SCHIP1: variants seen among roughly 807,000 people sequenced by gnomAD.
SCHIP1 encodes the protein schwannomin interacting protein 1, also known as schwannomin-interacting protein 1.
Under a neutral mutation model 29.7 loss-of-function variants are expected in SCHIP1, and 8 were observed. The ratio of observed to expected loss-of-function variants is 0.27; its 90% CI spans 0.16 to 0.49. The LOEUF (loss-of-function observed/expected upper bound fraction) is 0.49. Ranked by LOEUF, SCHIP1 falls within the 20% of genes least tolerant of loss-of-function variation. The pLI is 0.99. For missense variants in SCHIP1, 193 were observed against 294.6 expected (o/e 0.66, Z 2.52); for synonymous variants, 76 against 94.9 (o/e 0.80, Z 1.16).
chr3:159,777,865 T>TAA, the SCHIP1 span, among the ~76,000 whole-genome samples: 2 of 152,256 alleles, frequency 1.3e-5, no homozygotes, highest in Non-Finnish European at 2.9e-5. Flanking sequence ...GTTGAAAATA[T>TAA]AAAGGTTGGG....
At chr3:159,718,990 A>G in the SCHIP1 span, among the ~76,000 whole-genome samples, 3 of 152,188 alleles carry the variant, frequency 2.0e-5, no homozygotes, top group Non-Finnish European at 4.4e-5. Flanking sequence ...CTATACTACA[A>G]GCCTACAGTA....
chr3:159,723,427 A>T, the SCHIP1 span, among the ~76,000 whole-genome samples: 1 of 152,198 alleles, frequency 6.6e-6, no homozygotes, highest in Non-Finnish European at 1.5e-5. Context: ...TCACAAGTCT[A>T]GTCCCATGTT....
At chr3:159,483,597 A>G in the SCHIP1 span, among the ~76,000 whole-genome samples, 5 of 152,198 alleles carry the variant, frequency 3.3e-5, no homozygotes, top group Non-Finnish European at 5.9e-5. Flanking sequence ...CAGAAAGATT[A>G]TAAAATATAA....
At chr3:159,777,354 A>G in the SCHIP1 span, among the ~76,000 whole-genome samples, 1 of 152,300 alleles carries the variant, frequency 6.6e-6, no homozygotes, top group East Asian at 1.9e-4. Context: ...CTTAAGGAGG[A>G]AAACCCATGA....
At chr3:159,277,956 A>G in the SCHIP1 span, among the ~76,000 whole-genome samples, 1 of 152,020 alleles carries the variant, frequency 6.6e-6, no homozygotes, top group Non-Finnish European at 1.5e-5. Context: ...TCAACGGTAT[A>G]GGAATAAAGC....
chr3:159,309,146 T>TTA, the SCHIP1 span: 1 of 210,786 alleles, frequency 4.7e-6, no homozygotes, highest in African/African-American at 2.4e-5. Flanking sequence ...AAGTTAAAAT[T>TTA]AAAAAAAAAC....
At chr3:159,556,185 C>T in the SCHIP1 span, among the ~76,000 whole-genome samples, 1 of 152,100 alleles carries the variant, frequency 6.6e-6, no homozygotes. Flanking sequence ...CATCACTGGC[C>T]ATCAGAGAAA....
the SCHIP1 span, among the ~76,000 whole-genome samples, chr3:159,475,834 G>C: frequency 2.6e-5 from 4 of 152,166 alleles, no homozygotes; most frequent in Non-Finnish European, 5.9e-5. Context: ...TGAGAGCTGG[G>C]AGTAGAAACA....
intron 2 of SCHIP1, among the ~76,000 whole-genome samples, chr3:159,875,974 A>T (rs1715765642): frequency 6.6e-6 from 1 of 152,214 alleles, no homozygotes; most frequent in South Asian, 2.1e-4. Flanking sequence ...TTCTGATGAG[A>T]ACAGAAACCA....
the SCHIP1 span, among the ~76,000 whole-genome samples, chr3:159,674,762 C>A: frequency 6.6e-6 from 1 of 152,178 alleles, no homozygotes; most frequent in South Asian, 2.1e-4. Context: ...TAGGCCAGTT[C>A]CAATTAGGAT....
intron 1 of SCHIP1, chr3:159,853,563 C>A: frequency 1.9e-6 from 1 of 513,864 alleles, no homozygotes; most frequent in South Asian, 3.0e-5. Context: ...TGGCTATTGC[C>A]ATAATATAGT....
the SCHIP1 span, among the ~76,000 whole-genome samples, chr3:159,675,458 T>C: frequency 6.6e-6 from 1 of 152,238 alleles, no homozygotes; most frequent in African/African-American, 2.4e-5. Flanking sequence ...AATCATGGTC[T>C]TTGTTTTTCA....
chr3:159,765,163 A>ACGCGCGCACACACGCGTACACACCC, the SCHIP1 span: 7 of 1,539,954 alleles, frequency 4.5e-6, no homozygotes, highest in Non-Finnish European at 6.1e-6. Context: ...GTGCGTGCCC[A>ACGCGCGCACACACGCGTACACACCC]CGCGCGCACA....
the SCHIP1 span, chr3:159,764,304 C>G: frequency 9.6e-7 from 1 of 1,042,852 alleles, no homozygotes; most frequent in Non-Finnish European, 1.3e-6. This position sits in a 1 kb window ranked among gnomAD's most constrained non-coding sequence, Gnocchi z 6.1. Flanking sequence ...CTGGCTCCCG[C>G]CCCCAGGCCT....
chr3:159,352,973 G>A, the SCHIP1 span, among the ~76,000 whole-genome samples: 1 of 152,160 alleles, frequency 6.6e-6, no homozygotes, highest in South Asian at 2.1e-4. Flanking sequence ...ATGCGTTTGG[G>A]GGACAGCAAA....
intron 2 of SCHIP1, among the ~76,000 whole-genome samples, chr3:159,881,059 G>A (rs1221387240): frequency 6.6e-6 from 1 of 152,180 alleles, no homozygotes; most frequent in African/African-American, 2.4e-5. Context: ...TTTACAAGGA[G>A]TAGCAGTACT....
chr3:159,450,197 A>G, the SCHIP1 span, among the ~76,000 whole-genome samples: 1 of 152,214 alleles, frequency 6.6e-6, no homozygotes, highest in African/African-American at 2.4e-5. Context: ...AATGTTCTAC[A>G]TGACCATGTT....
chr3:159,348,558 T>G, the SCHIP1 span, among the ~76,000 whole-genome samples: 1 of 152,180 alleles, frequency 6.6e-6, no homozygotes, highest in African/African-American at 2.4e-5. Flanking sequence ...AAATTTGCAT[T>G]TCAAAGTAGC....
At chr3:159,505,751 T>C in the SCHIP1 span, among the ~76,000 whole-genome samples, 1 of 152,200 alleles carries the variant, frequency 6.6e-6, no homozygotes, top group Admixed American at 6.5e-5. Flanking sequence ...GATAGTTTGC[T>C]GAGAATGATG....
Sources: gnomAD v4.1 joint callset for allele counts (sites outside exome capture counted in the v4.1 genomes callset) on GRCh38, gnomAD v4.1.1 for gene constraint, Gnocchi (gnomAD v3.1) non-coding constraint, MANE v1.5 for transcripts, NCBI Gene and HGNC (gene_info 2026-07-23, HGNC 2026-07-21) for gene names.